The following MCU variants were observed in gnomAD, a reference collection of about 807,000 sequenced individuals.
MCU encodes the protein mitochondrial calcium uniporter.
In MCU, 12 loss-of-function variants were observed where a neutral mutation model predicts 45.2. That is an observed-to-expected ratio of 0.27 (90% CI 0.17 to 0.43). The LOEUF is 0.43. Ranked by LOEUF, MCU falls within the 20% of genes least tolerant of loss-of-function variation. The pLI is 1.00. For missense variants in MCU, 324 were observed against 436.7 expected (o/e 0.74, Z 2.30); for synonymous variants, 160 against 165.1 (o/e 0.97, Z 0.24).
At chr10:72,811,616 A>G (rs940838772) in intron 1 of MCU, among the ~76,000 whole-genome samples, 12 of 152,172 alleles carry the variant, frequency 7.9e-5, no homozygotes, top group Non-Finnish European at 1.8e-4. Context: ...GGAATCTTTC[A>G]CTCAGTTTAG....
At chr10:72,759,583 A>G (rs1444867030) in intron 1 of MCU, among the ~76,000 whole-genome samples, 3 of 152,184 alleles carry the variant, frequency 2.0e-5, no homozygotes, top group African/African-American at 4.8e-5. Context: ...AATTAAGTCT[A>G]TGAAATTTGT....
At chr10:72,828,693 A>G (rs1266482995) in intron 1 of MCU, among the ~76,000 whole-genome samples, 1 of 152,254 alleles carries the variant, frequency 6.6e-6, no homozygotes, top group Non-Finnish European at 1.5e-5. Flanking sequence ...ATTTAAAAGT[A>G]AATTTTGACT....
chr10:72,816,345 T>C (rs1311044458), intron 1 of MCU, among the ~76,000 whole-genome samples: 2 of 152,182 alleles, frequency 1.3e-5, no homozygotes, highest in Non-Finnish European at 2.9e-5. Flanking sequence ...AAAGATGAGA[T>C]TTATTCAGTT....
At chr10:72,709,336 G>T (rs1368548691) in intron 1 of MCU, among the ~76,000 whole-genome samples, 1 of 152,168 alleles carries the variant, frequency 6.6e-6, no homozygotes, top group Non-Finnish European at 1.5e-5. Flanking sequence ...AAACAATACA[G>T]ATGTCAGAAT....
chr10:72,882,989 C>T (rs547012026), intron 6 of MCU, among the ~76,000 whole-genome samples: 2 of 152,268 alleles, frequency 1.3e-5, no homozygotes, highest in East Asian at 1.9e-4. Context: ...AAAGAACCTA[C>T]GTGACTATCA....
At chr10:72,751,535 T>C (rs1457466401) in intron 1 of MCU, among the ~76,000 whole-genome samples, 2 of 151,182 alleles carry the variant, frequency 1.3e-5, no homozygotes, top group Non-Finnish European at 2.9e-5. Flanking sequence ...TTGTATTTTT[T>C]GGTAGAGACG....
chr10:72,883,394 T>C (rs1845734856), intron 6 of MCU, among the ~76,000 whole-genome samples: 1 of 152,210 alleles, frequency 6.6e-6, no homozygotes, highest in South Asian at 2.1e-4. Flanking sequence ...AATAAAGCTT[T>C]TTTTAAAAAT....
intron 1 of MCU, among the ~76,000 whole-genome samples, chr10:72,740,395 G>A (rs1435555251): frequency 2.6e-5 from 4 of 151,682 alleles, no homozygotes; most frequent in African/African-American, 9.7e-5. Flanking sequence ...AAAAAAAAGG[G>A]TGTTATCTTC....
At chr10:72,809,140 G>A (rs1214250550) in intron 1 of MCU, among the ~76,000 whole-genome samples, 1 of 152,192 alleles carries the variant, frequency 6.6e-6, no homozygotes, top group African/African-American at 2.4e-5. Flanking sequence ...CATTGTAGTA[G>A]TAGTAACAAT....
Position 72,699,412 on chromosome 10 carries a change from CAGG to C in MCU, c.150+7114_150+7116del, listed in dbSNP as rs544311444. Among the ~76,000 whole-genome samples, 12 of 151,952 alleles carry C rather than the reference CAGG, an allele frequency of 7.9e-5. No individual in the cohort carries two copies. The South Asian group carries it at 2.5e-3, about 32-fold the overall frequency. ...ATCCCAACTACTCGGGAGGCTGAGG[CAGG>C]AGAATTGCTTGAATCCGGGAGACGG... On this transcript the variant is annotated intron_variant, in intron 1 of 7. Transcript: ENST00000373053.
intron 1 of MCU, among the ~76,000 whole-genome samples, chr10:72,708,712 T>C (rs912768233): frequency 2.0e-5 from 3 of 152,220 alleles, no homozygotes; most frequent in African/African-American, 2.4e-5. Flanking sequence ...ATGGGAATTA[T>C]GGGAATGTCA....
At chr10:72,855,329 G>A (rs1845271369) in intron 2 of MCU, among the ~76,000 whole-genome samples, 1 of 152,088 alleles carries the variant, frequency 6.6e-6, no homozygotes, top group Admixed American at 6.6e-5. Flanking sequence ...TGTAATTCCA[G>A]CACTTTGGGA....
intron 2 of MCU, among the ~76,000 whole-genome samples, chr10:72,838,959 C>T (rs1226599219): frequency 6.6e-6 from 1 of 151,834 alleles, no homozygotes; most frequent in African/African-American, 2.4e-5. Flanking sequence ...ATAAAATTTA[C>T]CCATCATTGT....
chr10:72,726,715 A>G (rs1365283684), intron 1 of MCU, among the ~76,000 whole-genome samples: 3 of 152,300 alleles, frequency 2.0e-5, no homozygotes, highest in African/African-American at 2.4e-5. Context: ...AGCATTTCCA[A>G]TGAGGAATAC....
intron 1 of MCU, among the ~76,000 whole-genome samples, chr10:72,771,921 C>G (rs1248069013): frequency 6.6e-6 from 1 of 152,152 alleles, no homozygotes; most frequent in Non-Finnish European, 1.5e-5. Context: ...ATTGCCCCAC[C>G]ACCCCATTCT....
chr10:72,840,963 G>C (rs189981441), intron 2 of MCU, among the ~76,000 whole-genome samples: 1 of 152,278 alleles, frequency 6.6e-6, no homozygotes, highest in African/African-American at 2.4e-5. Context: ...TAAGCTTTAT[G>C]TGCTGACAGT....
chr10:72,698,287 C>G (rs951012739), intron 1 of MCU, among the ~76,000 whole-genome samples: 1 of 152,120 alleles, frequency 6.6e-6, no homozygotes, highest in Non-Finnish European at 1.5e-5. Flanking sequence ...GGAAATCATT[C>G]AGATGATGTT....
At chr10:72,770,116 C>G (rs1453770953) in intron 1 of MCU, among the ~76,000 whole-genome samples, 1 of 151,722 alleles carries the variant, frequency 6.6e-6, no homozygotes, top group Non-Finnish European at 1.5e-5. Flanking sequence ...ACCAAATTTA[C>G]TTCTGTCACT....
chr10:72,748,555 G>A (rs1448668886), intron 1 of MCU, among the ~76,000 whole-genome samples: 1 of 152,124 alleles, frequency 6.6e-6, no homozygotes. Context: ...GGTGGCTCAT[G>A]CCTGTAATCC....
Sources: gnomAD v4.1 joint callset for allele counts (sites outside exome capture counted in the v4.1 genomes callset) on GRCh38, gnomAD v4.1.1 for gene constraint, MANE v1.5 for transcripts, NCBI Gene and HGNC (gene_info 2026-07-23, HGNC 2026-07-21) for gene names.